Variants in ADAMTSL3 observed in about 807,000 individuals in gnomAD.
ADAMTSL3 encodes ADAMTS like 3.
A neutral mutation model predicts 201.7 loss-of-function variants in ADAMTSL3; 128 were observed. That is an observed-to-expected ratio of 0.63 (90% confidence interval 0.55 to 0.73). The LOEUF is 0.73. ADAMTSL3 is among the 30% of genes least tolerant of loss of function. ADAMTSL3 has a pLI of 0.00. For missense variants in ADAMTSL3, 1,990 were observed against 2,119.6 expected, an observed-to-expected ratio of 0.94 and a Z score of 1.20; for synonymous variants, 738 against 748.4, an observed-to-expected ratio of 0.99 and a Z score of 0.23.
chr15:83,821,451 A>C (rs2063863872), intron 6 of ADAMTSL3, among the ~76,000 whole-genome samples: 2 of 151,408 alleles, frequency 1.3e-5, no homozygotes, highest in Non-Finnish European at 2.9e-5. Flanking sequence ...ACTCTTAACG[A>C]GCATGCTGCC....
chr15:83,962,191 C>T (rs573096532), intron 19 of ADAMTSL3: 1 of 152,168 alleles, frequency 6.6e-6, no homozygotes, highest in African/African-American at 2.4e-5. Flanking sequence ...TTTGCCCTTC[C>T]TTTGTCTTCT....
At chr15:83,967,674 A>G (rs138004512) in intron 19 of ADAMTSL3, among the ~76,000 whole-genome samples, 48 of 152,366 alleles carry the variant, frequency 3.2e-4, no homozygotes, top group African/African-American at 1.1e-3. Flanking sequence ...CAGAATTAGA[A>G]AAAAGTACTT....
In ADAMTSL3 at chr15:83,919,137, T is replaced by C. The variant is rs75262867; in HGVS notation, c.1988-4767T>C. Among the ~76,000 whole-genome samples the C allele has an allele frequency of 5.1e-4, 78 of 152,194 alleles. No homozygotes were observed. In the East Asian group the frequency reaches 0.015, roughly 29 times the overall value. On this transcript the variant is annotated intron_variant, in intron 16 of 29. Coordinates refer to ENST00000286744, the MANE Select transcript of ADAMTSL3 (RefSeq NM_207517.3). ...CCAAGTGGAGATGCTAAGTAGTCAG[T>C]TGGATGTGTGAGTCTGAAGTGAAGA...
chr15:83,864,094 C>T lies in ADAMTSL3; in HGVS notation c.802+5254C>T, dbSNP rs1340913046. ...GTTGAATCTCTGAATAGACCAATAA[C>T]AGGCTCTGAAATTGAGGCAATAATT... On this transcript the variant is annotated intron_variant, in intron 8 of 29. Transcript: ENST00000286744. Among the ~76,000 whole-genome samples, 3 of 152,220 alleles carry T rather than the reference C, an allele frequency of 2.0e-5. No individual in the cohort carries two copies. In the East Asian group the frequency reaches 5.8e-4, roughly 29 times the overall value.
intron 2 of ADAMTSL3, among the ~76,000 whole-genome samples, chr15:83,660,995 C>T (rs1447444795): frequency 6.8e-6 from 1 of 147,268 alleles, no homozygotes; most frequent in African/African-American, 2.5e-5. Context: ...CAGCTTTCTA[C>T]ATATGGCTAG....
At chr15:83,786,369 T>C (rs1384071228) in intron 4 of ADAMTSL3, among the ~76,000 whole-genome samples, 1 of 152,210 alleles carries the variant, frequency 6.6e-6, no homozygotes, top group Non-Finnish European at 1.5e-5. Flanking sequence ...GATATTTTGA[T>C]GCAGTAATAC....
chr15:83,739,786 G>A, intron 3 of ADAMTSL3: 1 of 566,298 alleles, frequency 1.8e-6, no homozygotes, highest in Non-Finnish European at 3.4e-6. Flanking sequence ...TCCCCATCAT[G>A]CATGAGTACA....
In ADAMTSL3 at chr15:83,942,938, AAG is replaced by A; in HGVS notation, c.2349_2350del (p.Arg783SerfsTer18). Reference sequence around the variant, plus strand: ...CTTGTGGCGGGGGAACTCAGAACAGAAGAGTCACCTGTCGGCAGCTGCTAACG... The same window carrying A: ...CTTGTGGCGGGGGAACTCAGAACAGAAGTCACCTGTCGGCAGCTGCTAACG... ...RTCGGGTQNR[R>X]VTCRQLLTDG... On this transcript the variant is annotated frameshift_variant, in exon 19 of 30. Transcript: ENST00000286744. LOFTEE classifies it high-confidence loss of function. The A allele has an allele frequency of 6.2e-7, 1 of 1,609,746 alleles. No homozygotes were observed. The highest frequency in any genetic ancestry group is 8.5e-7 in the Non-Finnish European group (1 of 1,177,670).
chr15:83,655,844 G>T lies in ADAMTSL3; in HGVS notation c.69+14G>T. 6.2e-7 allele frequency: 1 copy of T among 1,611,298 alleles called. No homozygotes were observed. The highest frequency in any genetic ancestry group is 8.5e-7 in the Non-Finnish European group (1 of 1,178,050). On this transcript the variant is annotated intron_variant, in intron 2 of 29. Transcript: ENST00000286744. The stretch of plus-strand genomic sequence containing the variant: ...CCCCTCCCGCAGGTAAGGTCATATA[G>T]GGAGGGGAAGGGAAATGGTGGACAT...
chr15:83,690,527 C>T (rs933750160), intron 2 of ADAMTSL3, among the ~76,000 whole-genome samples: 2 of 152,184 alleles, frequency 1.3e-5, no homozygotes, highest in Non-Finnish European at 2.9e-5. Context: ...CCTACTTGTT[C>T]TTTACATCTC....
At chr15:83,906,665 CACACACACACACAG>C (rs2065842252) in intron 15 of ADAMTSL3, among the ~76,000 whole-genome samples, 1 of 88,356 alleles carries the variant, frequency 1.1e-5, no homozygotes, top group African/African-American at 4.5e-5. Context: ...CACACACACA[CACACACACACACAG>C]AGTTATGGGC....
chr15:83,874,769 T>C (rs12900671), intron 9 of ADAMTSL3, among the ~76,000 whole-genome samples: 110,471 of 142,120 alleles, frequency 0.78, 45,934 homozygotes, highest in Middle Eastern at 0.86. Context: ...GATAGTGTGC[T>C]CACTGGCAGC....
chr15:83,973,533 G>A (rs1241070930), intron 20 of ADAMTSL3, among the ~76,000 whole-genome samples: 1 of 152,120 alleles, frequency 6.6e-6, no homozygotes, highest in East Asian at 1.9e-4. Flanking sequence ...ATATCACCGT[G>A]CTAATTTGAT....
In ADAMTSL3 at chr15:83,982,906, C is replaced by T. The variant is rs1312943838; in HGVS notation, c.3278C>T (p.Thr1093Ile). The change falls in exon 21 of 30, where the codon ACA becomes ATA. Residue 1093 changes from threonine to isoleucine, a missense_variant. By Grantham distance (89) the Thr-to-Ile change is moderately conservative (BLOSUM62 -1). Transcript: ENST00000286744. ...AVKQGAYSMD[T>I]AQFDELIRNM... ...AAACAAGGAGCATATAGCATGGATA[C>T]AGCCCAGTTTGATGAGCTGATAAGA... is the stretch of plus-strand genomic sequence containing the variant. The T allele has an allele frequency of 4.3e-6, 7 of 1,614,058 alleles. No homozygotes were observed. The highest frequency in any genetic ancestry group is 5.9e-6 in the Non-Finnish European group (7 of 1,180,042).
intron 19 of ADAMTSL3, among the ~76,000 whole-genome samples, chr15:83,959,912 T>C (rs879054052): frequency 2.6e-5 from 4 of 152,290 alleles, no homozygotes; most frequent in Admixed American, 2.6e-4. Context: ...CCATTCAGGA[T>C]GGGGAGAAAA....
chr15:83,874,687 A>T lies in ADAMTSL3; in HGVS notation c.960+3728A>T, dbSNP rs1351748345. 2.9e-5 allele frequency among the ~76,000 whole-genome samples: 4 copies of T among 138,056 alleles called. 2 individuals carry two copies. The highest frequency in any genetic ancestry group is 1.1e-4 in the African/African-American group (4 of 35,282). 90.6% of individuals were successfully genotyped at this position (138,056 alleles called of 152,430 possible). On this transcript the variant is annotated intron_variant, in intron 9 of 29. Coordinates refer to ENST00000286744, the MANE Select transcript of ADAMTSL3 (RefSeq NM_207517.3). ...AGCTCTAAAGCCAGCCAAGGATTGG[A>T]TAGGGGTCCCAGCCACACCACCGAG...
intron 19 of ADAMTSL3, among the ~76,000 whole-genome samples, chr15:83,961,140 T>G (rs2066962065): frequency 6.6e-6 from 1 of 151,914 alleles, no homozygotes; most frequent in Non-Finnish European, 1.5e-5. Context: ...AAAGAAAAAT[T>G]TTTAAATGGC....
intron 7 of ADAMTSL3, among the ~76,000 whole-genome samples, chr15:83,857,270 C>T (rs934655116): frequency 6.6e-6 from 1 of 151,690 alleles, no homozygotes; most frequent in Non-Finnish European, 1.5e-5. Flanking sequence ...CGTGGGTTGC[C>T]TCTTCATTCT....
intron 4 of ADAMTSL3, among the ~76,000 whole-genome samples, chr15:83,795,409 A>G (rs775711907): frequency 9.9e-5 from 15 of 152,166 alleles, no homozygotes; most frequent in Non-Finnish European, 1.5e-4. Context: ...AGTGATGGAG[A>G]TGGGATTTGA....
Sources: gnomAD v4.1 joint callset for allele counts (sites outside exome capture counted in the v4.1 genomes callset) on GRCh38, gnomAD v4.1.1 for gene constraint, MANE v1.5 for transcripts, NCBI Gene and HGNC (gene_info 2026-07-23, HGNC 2026-07-21) for gene names.